Variants in MTHFD2L observed in about 807,000 individuals in gnomAD.
MTHFD2L encodes the protein methylenetetrahydrofolate dehydrogenase (NADP+ dependent) 2 like.
In MTHFD2L, 29 loss-of-function variants were observed where a neutral mutation model predicts 34.9. The observed-to-expected ratio is 0.83, with a 90% CI of 0.62 to 1.13. The LOEUF (loss-of-function observed/expected upper bound fraction) is 1.13. MTHFD2L is among the 50% of genes most tolerant of loss of function. The probability of loss-of-function intolerance (pLI) is 0.00; values close to 1 mark genes in which losing one functional copy is unlikely to be tolerated. For missense variants in MTHFD2L, 481 were observed against 446.5 expected (o/e 1.08, Z -0.70); for synonymous variants, 167 against 155.7 (o/e 1.07, Z -0.54).
At chr4:74,236,994 G>C (rs943326580) in intron 6 of MTHFD2L, among the ~76,000 whole-genome samples, 1 of 152,062 alleles carries the variant, frequency 6.6e-6, no homozygotes, top group African/African-American at 2.4e-5. Context: ...CCCATATCAG[G>C]CATAAAATAT....
chr4:74,247,691 G>T (rs1314238112), intron 6 of MTHFD2L, among the ~76,000 whole-genome samples: 12 of 152,106 alleles, frequency 7.9e-5, no homozygotes, highest in Admixed American at 2.0e-4. Context: ...TAGCATGAAG[G>T]GATGTTGAAT....
intron 1 of MTHFD2L, among the ~76,000 whole-genome samples, chr4:74,166,245 C>T (rs951475393): frequency 3.3e-5 from 5 of 152,142 alleles, no homozygotes; most frequent in Admixed American, 3.3e-4. Context: ...ATCTGTAGGC[C>T]CACACTCTGT....
chr4:74,128,430 C>T lies in MTHFD2L; in HGVS notation c.-297+2913C>T, dbSNP rs561993577. Among the ~76,000 whole-genome samples the T allele has an allele frequency of 8.5e-5, 13 of 152,088 alleles. 2 individuals are homozygous for T. The South Asian group carries it at 2.7e-3, about 32-fold the overall frequency. On this transcript the variant is annotated intron_variant, in intron 1 of 7. Transcript: ENST00000433372. Reference sequence around the variant, plus strand: ...CATAGGGGTCTAATTTCACTCTATGCATATGGTTATCCAGTTTTCCCAGCA... The same window carrying T: ...CATAGGGGTCTAATTTCACTCTATGTATATGGTTATCCAGTTTTCCCAGCA...
At chr4:74,118,607 G>T (rs573211099), upstream of MTHFD2L, among the ~76,000 whole-genome samples, 2 of 152,314 alleles carry the variant, frequency 1.3e-5, no homozygotes, top group East Asian at 3.9e-4. Context: ...CTTAATCTAA[G>T]ATGACTGGTG....
chr4:74,176,337 T>TA (rs887342765), intron 3 of MTHFD2L, among the ~76,000 whole-genome samples: 1 of 152,094 alleles, frequency 6.6e-6, no homozygotes, highest in Non-Finnish European at 1.5e-5. Context: ...ACATAAGACT[T>TA]ACCTTCGCTT....
chr4:74,144,592 G>A (rs1723473916), intron 1 of MTHFD2L, among the ~76,000 whole-genome samples: 1 of 152,100 alleles, frequency 6.6e-6, no homozygotes, highest in African/African-American at 2.4e-5. Context: ...GAGATTCTTA[G>A]ATCTGTAGGT....
At chr4:74,205,350 A>T (rs933303461) in intron 5 of MTHFD2L, among the ~76,000 whole-genome samples, 1 of 152,212 alleles carries the variant, frequency 6.6e-6, no homozygotes, top group South Asian at 2.1e-4. Flanking sequence ...GCAAATGCAT[A>T]TCTATAGAAC....
intron 2 of MTHFD2L, 128 bp from the exon 3 acceptor site, chr4:74,175,153 T>C: frequency 1.0e-6 from 1 of 994,210 alleles, no homozygotes; most frequent in Admixed American, 2.6e-5. Flanking sequence ...GAGAAATCCT[T>C]CCTGATGATG....
intron 3 of MTHFD2L, chr4:74,195,967 T>C (rs1469914443): frequency 6.6e-6 from 1 of 152,186 alleles, no homozygotes; most frequent in Non-Finnish European, 1.5e-5. Context: ...GCAGATTTGC[T>C]CTGAGCAGTT....
intron 5 of MTHFD2L, among the ~76,000 whole-genome samples, chr4:74,221,512 G>A (rs750370938): frequency 9.3e-5 from 14 of 151,242 alleles, no homozygotes. Flanking sequence ...TATAATGTGT[G>A]CCTCTTTGTT....
rs561985569 is a variant in MTHFD2L, at chr4:74,281,604, C to T, written c.931+54C>T. ...AAGAAGATAAAAAAATTCCACCTTA[C>T]GTATTTTAAAAATAGAGAAGTTTCA... On this transcript the variant is annotated intron_variant, in intron 7 of 7. Transcript: ENST00000325278. 2.4e-4 allele frequency: 371 copies of T among 1,523,580 alleles called. No homozygotes were observed. In the African/African-American group the frequency reaches 3.9e-3, roughly 16 times the overall value. 94.4% of individuals were successfully genotyped at this position (1,523,580 alleles called of 1,614,324 possible).
intron 1 of MTHFD2L, among the ~76,000 whole-genome samples, chr4:74,125,752 T>C (rs1466782386): frequency 6.6e-6 from 1 of 152,172 alleles, no homozygotes; most frequent in Non-Finnish European, 1.5e-5. Flanking sequence ...TCAAAGAGTA[T>C]TGATTTCTCA....
rs954652640 is a variant in MTHFD2L at position 74,256,722 on chromosome 4, G to A, written c.806-24703G>A. Among the ~76,000 whole-genome samples, 6 of 152,132 alleles carry A rather than the reference G, an allele frequency of 3.9e-5. No individual in the cohort carries two copies. In the South Asian group the frequency reaches 1.2e-3, roughly 32 times the overall value. Reference sequence around the variant, plus strand: ...TCATAATCAAATGATTGTCAGTGGGGAAACGTATAACTATTTGCTATAATC... The same window carrying A: ...TCATAATCAAATGATTGTCAGTGGGAAAACGTATAACTATTTGCTATAATC... On this transcript the variant is annotated intron_variant, in intron 6 of 7. Coordinates refer to ENST00000325278, the MANE Select transcript of MTHFD2L (RefSeq NM_001144978.3).
intron 5 of MTHFD2L, among the ~76,000 whole-genome samples, chr4:74,216,559 C>G (rs1394160348): frequency 2.0e-5 from 3 of 151,762 alleles, no homozygotes; most frequent in Non-Finnish European, 4.4e-5. Flanking sequence ...AATATCATTT[C>G]TATCTCCTGT....
chr4:74,216,808 C>T (rs1192359822), intron 5 of MTHFD2L, among the ~76,000 whole-genome samples: 1 of 151,736 alleles, frequency 6.6e-6, no homozygotes, highest in Non-Finnish European at 1.5e-5. Context: ...ATATCACCAC[C>T]TGGACTAATA....
At chr4:74,214,452 T>A (rs1736857358) in intron 5 of MTHFD2L, among the ~76,000 whole-genome samples, 1 of 151,846 alleles carries the variant, frequency 6.6e-6, no homozygotes, top group South Asian at 2.1e-4. Flanking sequence ...GTAGTTTTCC[T>A]TCTAACAGGC....
At chr4:74,223,132 G>A (rs937652401) in intron 5 of MTHFD2L, among the ~76,000 whole-genome samples, 9 of 151,970 alleles carry the variant, frequency 5.9e-5, no homozygotes, top group African/African-American at 1.9e-4. Flanking sequence ...ACATGCAAAC[G>A]TTCATTGCAG....
rs775470303 is a variant in MTHFD2L at position 74,175,264 on chromosome 4, A to C, written c.329-17A>C. ...TTCAGTTAGTCAAGTGACCTTCTCT[A>C]CCTGTTTTTCTTCTAGGTATTTGTA... On this transcript the variant is annotated splice_polypyrimidine_tract_variant and intron_variant, in intron 2 of 7. Transcript: ENST00000325278. 3.1e-6 allele frequency: 5 copies of C among 1,610,016 alleles called. No individual in the cohort carries two copies. The highest frequency in any genetic ancestry group is 4.2e-6 in the Non-Finnish European group (5 of 1,177,914).
At chr4:74,227,915 G>A (rs1364482231) in intron 6 of MTHFD2L, among the ~76,000 whole-genome samples, 4 of 152,048 alleles carry the variant, frequency 2.6e-5, no homozygotes, top group Non-Finnish European at 4.4e-5. Flanking sequence ...AATTTGTTTT[G>A]TATTTGAACA....
Sources: gnomAD v4.1 joint callset for allele counts (sites outside exome capture counted in the v4.1 genomes callset) on GRCh38, gnomAD v4.1.1 for gene constraint, MANE v1.5 for transcripts, NCBI Gene and HGNC (gene_info 2026-07-23, HGNC 2026-07-21) for gene names.